TNIP3: variants seen among roughly 807,000 people sequenced by gnomAD.
The protein encoded by TNIP3 is TNFAIP3-interacting protein 3.
A neutral mutation model predicts 54.1 loss-of-function variants in TNIP3; 34 were observed. The observed-to-expected ratio is 0.63, with a 90% CI of 0.48 to 0.84. TNIP3 has a LOEUF of 0.84. Among genes scored for constraint, TNIP3 ranks in the 40% least tolerant of loss-of-function variants. TNIP3 has a pLI of 0.00. For missense variants in TNIP3, 366 were observed against 387.6 expected (o/e 0.94, Z 0.47); for synonymous variants, 134 against 136.8 (o/e 0.98, Z 0.14).
chr4:121,136,500 T>A (rs563923638), intron 10 of TNIP3: 5 of 152,242 alleles, frequency 3.3e-5, no homozygotes, highest in Admixed American at 3.3e-4. Flanking sequence ...ATGTGTTAAA[T>A]AGTGCAAAAC....
chr4:121,165,337 G>C (rs942211638), upstream of TNIP3, among the ~76,000 whole-genome samples: 1 of 151,580 alleles, frequency 6.6e-6, no homozygotes, highest in Non-Finnish European at 1.5e-5. Flanking sequence ...ATGGTTCTAC[G>C]CCCCTGAGCT....
rs866093472 is a variant in TNIP3 at position 121,156,946 on chromosome 4, G to T, written c.363+148C>A. 4 of 918,316 alleles carry T rather than the reference G, an allele frequency of 4.4e-6. No individual in the cohort carries two copies. The African/African-American group carries it at 6.6e-5, about 15-fold the overall frequency. 56.9% of individuals were successfully genotyped at this position (918,316 alleles called of 1,614,324 possible). A position where few individuals can be genotyped will look rare whatever the true frequency, so the allele number is the denominator to read the frequency against. On this transcript the variant is annotated intron_variant, in intron 4 of 10. Coordinates refer to ENST00000057513, the MANE Select transcript of TNIP3 (RefSeq NM_024873.6). Reference sequence around the variant, plus strand: ...GTGACCCTTGTTCATGGCTCTTGGGGACTTGCGTAACCCATGCACCCTTGC... The same window carrying T: ...GTGACCCTTGTTCATGGCTCTTGGGTACTTGCGTAACCCATGCACCCTTGC...
chr4:121,219,990 C>T (rs1286568632), upstream of TNIP3, among the ~76,000 whole-genome samples: 1 of 152,146 alleles, frequency 6.6e-6, no homozygotes. Flanking sequence ...AAAATGTCCT[C>T]ATCAGGTACT....
intron 2 of TNIP3, among the ~76,000 whole-genome samples, chr4:121,195,935 C>G (rs145965399): frequency 1.3e-5 from 2 of 152,230 alleles, no homozygotes; most frequent in African/African-American, 4.8e-5. Context: ...TTTACACTCA[C>G]GTTGCTGATG....
chr4:121,155,803 G>C (rs912611368), intron 4 of TNIP3, among the ~76,000 whole-genome samples: 1 of 152,154 alleles, frequency 6.6e-6, no homozygotes, highest in African/African-American at 2.4e-5. Context: ...ATGTGTTAAA[G>C]TGTGTTATTT....
intron 2 of TNIP3, among the ~76,000 whole-genome samples, chr4:121,195,894 G>T (rs974665640): frequency 6.6e-6 from 1 of 152,212 alleles, no homozygotes; most frequent in South Asian, 2.1e-4. Flanking sequence ...GGATGAATGG[G>T]AAACAGTAGC....
chr4:121,184,485 T>C (rs2136943), intron 2 of TNIP3, among the ~76,000 whole-genome samples: 52,460 of 151,968 alleles, frequency 0.35, 10,972 homozygotes, highest in African/African-American at 0.59. Flanking sequence ...GTGTCTGGAG[T>C]GAGCTGAGAA....
At chr4:121,162,105 A>G (rs1186814235) in intron 1 of TNIP3, among the ~76,000 whole-genome samples, 1 of 152,234 alleles carries the variant, frequency 6.6e-6, no homozygotes, top group East Asian at 1.9e-4. Context: ...GCTTAAAGCT[A>G]TTTGTGAACC....
chr4:121,195,742 G>T (rs938643121), intron 2 of TNIP3, among the ~76,000 whole-genome samples: 3 of 152,098 alleles, frequency 2.0e-5, no homozygotes, highest in Non-Finnish European at 2.9e-5. Context: ...CCTAAAACTG[G>T]GTAAGTTAGA....
upstream of TNIP3, among the ~76,000 whole-genome samples, chr4:121,218,542 CTTCCTTCCTTCT>C (rs1347906547): frequency 2.7e-5 from 4 of 150,136 alleles, no homozygotes; most frequent in South Asian, 2.1e-4. Context: ...CCCTCCCTTC[CTTCCTTCCTTCT>C]TTCCTTCCTT....
Position 121,173,019 on chromosome 4 carries a change from GA to G in TNIP3, c.190-8874del, listed in dbSNP as rs1724062260. 3.3e-5 allele frequency among the ~76,000 whole-genome samples: 5 copies of G among 152,330 alleles called. No homozygotes were observed. The South Asian group carries it at 1.0e-3, about 32-fold the overall frequency. ...CTTTAATGCTAATGAGGACAAAGTT[GA>G]ATTTAGAGATGGCAAATGACTTGCT... On this transcript the variant is annotated intron_variant, in intron 3 of 12. Transcript: ENST00000507879.
chr4:121,175,346 T>C (rs769480256), intron 3 of TNIP3, among the ~76,000 whole-genome samples: 47 of 152,346 alleles, frequency 3.1e-4, no homozygotes, highest in Non-Finnish European at 1.9e-4. Flanking sequence ...AAGTTCTTTT[T>C]CTTCTCTTTG....
intron 2 of TNIP3, among the ~76,000 whole-genome samples, chr4:121,186,448 C>A (rs1348323825): frequency 6.6e-6 from 1 of 152,166 alleles, no homozygotes; most frequent in Non-Finnish European, 1.5e-5. Flanking sequence ...TGCCTCAGAA[C>A]TTGCATATGA....
intron 3 of TNIP3, among the ~76,000 whole-genome samples, chr4:121,174,536 G>T (rs1387952035): frequency 6.6e-6 from 1 of 152,138 alleles, no homozygotes; most frequent in African/African-American, 2.4e-5. Flanking sequence ...CATACCAGAA[G>T]TGTTTTGTCT....
At chr4:121,171,981 C>T (rs545222860) in intron 3 of TNIP3, among the ~76,000 whole-genome samples, 4 of 152,304 alleles carry the variant, frequency 2.6e-5, no homozygotes, top group Admixed American at 2.0e-4. Flanking sequence ...GATCCACCTG[C>T]CTCAGCCTCC....
chr4:121,161,660 A>G (rs1035706173), intron 1 of TNIP3, among the ~76,000 whole-genome samples: 24 of 152,204 alleles, frequency 1.6e-4, no homozygotes, highest in African/African-American at 5.1e-4. Context: ...TAATATTCTG[A>G]AAAGTAGACC....
At chr4:121,217,016 GA>G (rs965425676), upstream of TNIP3, among the ~76,000 whole-genome samples, 9 of 151,120 alleles carry the variant, frequency 6.0e-5, no homozygotes, top group African/African-American at 1.7e-4. Context: ...AATGGACAAT[GA>G]AAAAAAAGAG....
In TNIP3 at chr4:121,179,966, T is replaced by A. The variant is rs551838425; in HGVS notation, c.189+2710A>T. 2.0e-5 allele frequency among the ~76,000 whole-genome samples: 3 copies of A among 152,106 alleles called. No individual in the cohort carries two copies. The South Asian group carries it at 6.2e-4, about 32-fold the overall frequency. ...GAGTCATTGTCATATATTTTGTAGT[T>A]TAATGAGCCCAGGACAGATCCTTGA... On this transcript the variant is annotated intron_variant, in intron 3 of 12. Transcript: ENST00000507879.
At position 121,147,044 on chromosome 4, in the gene TNIP3, T is replaced by G. The variant is rs750252746; in HGVS notation, c.735+5A>C. 5 of 1,607,728 alleles carry G rather than the reference T, an allele frequency of 3.1e-6. No individual in the cohort carries two copies. The East Asian group carries it at 1.1e-4, about 36-fold the overall frequency. ...TGGCAAAGATTATTTTGTTTTGACT[T>G]GTACCTGGGAATTCAGCCTGTTCAA... On this transcript the variant is annotated splice_donor_5th_base_variant and intron_variant, in intron 7 of 10. Transcript: ENST00000057513.
Sources: gnomAD v4.1 joint callset for allele counts (sites outside exome capture counted in the v4.1 genomes callset) on GRCh38, gnomAD v4.1.1 for gene constraint, MANE v1.5 for transcripts, NCBI Gene and HGNC (gene_info 2026-07-23, HGNC 2026-07-21) for gene names.